The following CAPZB variants were observed in gnomAD, a reference collection of about 807,000 sequenced individuals.
CAPZB encodes capping actin protein of muscle Z-line subunit beta.
Under a neutral mutation model 38.1 loss-of-function variants are expected in CAPZB, and 2 were observed. That is an observed-to-expected ratio of 0.05 (90% CI 0.02 to 0.17). The LOEUF (loss-of-function observed/expected upper bound fraction) is 0.17, where lower values mean the gene tolerates loss of function less well. CAPZB is among the 10% of genes least tolerant of loss of function. The pLI, the probability that CAPZB is intolerant of heterozygous loss-of-function variation, is 1.00. For missense variants in CAPZB, 161 were observed against 334.2 expected (o/e 0.48, Z 4.04); for synonymous variants, 107 against 127.4 (o/e 0.84, Z 1.08).
At chr1:19,418,007 G>C (rs2094387065) in intron 2 of CAPZB, among the ~76,000 whole-genome samples, 2 of 151,500 alleles carry the variant, frequency 1.3e-5, no homozygotes, top group Non-Finnish European at 2.9e-5. Flanking sequence ...ACGGTCGTGG[G>C]CGCCTGTAAT....
chr1:19,388,397 G>C (rs2094214811), intron 2 of CAPZB, among the ~76,000 whole-genome samples: 1 of 152,150 alleles, frequency 6.6e-6, no homozygotes, highest in South Asian at 2.1e-4. Flanking sequence ...AAAGAAAGGA[G>C]GGAAAGAGGG....
intron 1 of CAPZB, among the ~76,000 whole-genome samples, chr1:19,446,281 C>T (rs72947522): frequency 2.0e-5 from 3 of 151,892 alleles, no homozygotes; most frequent in African/African-American, 7.3e-5. Flanking sequence ...TCTGTTTCAA[C>T]AGAAACTTGA....
chr1:19,391,730 G>A (rs1251217085), intron 2 of CAPZB, among the ~76,000 whole-genome samples: 3 of 152,158 alleles, frequency 2.0e-5, no homozygotes, highest in Admixed American at 2.0e-4. Context: ...CTCTGGAACT[G>A]GGGGTTACAA....
At chr1:19,433,275 C>T (rs566992963) in intron 1 of CAPZB, among the ~76,000 whole-genome samples, 3 of 152,280 alleles carry the variant, frequency 2.0e-5, no homozygotes, top group Admixed American at 6.5e-5. Flanking sequence ...CTCAATGGCA[C>T]GAGAAATTCA....
intron 2 of CAPZB, among the ~76,000 whole-genome samples, chr1:19,391,031 A>T (rs2094231242): frequency 6.6e-6 from 1 of 151,946 alleles, no homozygotes. Context: ...TATACAGCAC[A>T]GCTAGGTTCA....
rs138483963 is a variant in CAPZB at position 19,382,213 on chromosome 1, C to T, written c.215+3292G>A. 2.7e-3 allele frequency among the ~76,000 whole-genome samples: 410 copies of T among 152,256 alleles called. 1 individual carries two copies. Among genetic ancestry groups the T allele is most frequent in the African/African-American group, 9.1e-3 (379 of 41,530 alleles). On this transcript the variant is annotated intron_variant, in intron 3 of 8. Transcript: ENST00000264202. ...ACTCACATTTCTACTGGCTCACAGA[C>T]GATAGCATTTCAAGCTGTTAGTCCT...
rs576901713 is a variant in CAPZB at position 19,434,129 on chromosome 1, A to G, written c.4-14379T>C. On this transcript the variant is annotated intron_variant, in intron 1 of 8. Transcript: ENST00000264202. ...CACTGGGTAGGGAGATGCCTGAAACATGACATCCTTTGGGCTTCGATTTTC... is the reference window on the plus strand; with the variant it reads ...CACTGGGTAGGGAGATGCCTGAAACGTGACATCCTTTGGGCTTCGATTTTC... Among the ~76,000 whole-genome samples the G allele has an allele frequency of 2.6e-5, 4 of 152,342 alleles. No individual in the cohort carries two copies. The East Asian group carries it at 7.7e-4, about 29-fold the overall frequency.
At chr1:19,403,565 G>A (rs1279882041) in intron 2 of CAPZB, among the ~76,000 whole-genome samples, 1 of 152,232 alleles carries the variant, frequency 6.6e-6, no homozygotes, top group Non-Finnish European at 1.5e-5. Flanking sequence ...TGTTCTCCGG[G>A]CTTGATCCCG....
chr1:19,446,896 CAT>C (rs764631651), intron 1 of CAPZB, among the ~76,000 whole-genome samples: 2 of 152,176 alleles, frequency 1.3e-5, no homozygotes, highest in African/African-American at 2.4e-5. Context: ...TTTTCCATCA[CAT>C]GATTTCAGTC....
intron 7 of CAPZB, 143 bp from the exon 8 acceptor site, chr1:19,344,577 T>G: frequency 1.5e-6 from 1 of 679,274 alleles, no homozygotes; most frequent in Non-Finnish European, 2.6e-6. Flanking sequence ...GTGAGCGCGC[T>G]CCAGGCTGCC....
intron 1 of CAPZB, among the ~76,000 whole-genome samples, chr1:19,465,116 TGG>T (rs372367777): frequency 6.6e-6 from 1 of 152,288 alleles, no homozygotes; most frequent in African/African-American, 2.4e-5. Flanking sequence ...TGGAAGACAC[TGG>T]GCATGTGAGA....
At chr1:19,393,036 CTACT>C (rs1356282962) in intron 2 of CAPZB, among the ~76,000 whole-genome samples, 2 of 152,206 alleles carry the variant, frequency 1.3e-5, no homozygotes, top group African/African-American at 4.8e-5. Context: ...CCCACCACCA[CTACT>C]TAGTGTAGAG....
At chr1:19,446,617 C>T (rs528833830) in intron 1 of CAPZB, among the ~76,000 whole-genome samples, 18 of 110,688 alleles carry the variant, frequency 1.6e-4, no homozygotes, top group African/African-American at 5.2e-4. Context: ...CTACCCACTG[C>T]TCCACGGCAA....
intron 2 of CAPZB, among the ~76,000 whole-genome samples, chr1:19,418,059 C>T (rs943832452): frequency 1.3e-4 from 18 of 135,844 alleles, no homozygotes; most frequent in African/African-American, 4.3e-4. Context: ...TTGCTTGAAC[C>T]GGGGAGGCGG....
intron 1 of CAPZB, among the ~76,000 whole-genome samples, chr1:19,420,379 A>T (rs2094396609): frequency 6.6e-6 from 1 of 152,220 alleles, no homozygotes; most frequent in Non-Finnish European, 1.5e-5. Context: ...GACTGGAAAG[A>T]CAACCATTAC....
intron 4 of CAPZB, among the ~76,000 whole-genome samples, chr1:19,370,252 CACAGT>C (rs1314927474): frequency 6.6e-6 from 1 of 152,250 alleles, no homozygotes; most frequent in African/African-American, 2.4e-5. Flanking sequence ...CCTCTCCCAT[CACAGT>C]ACAGGGCTGT....
chr1:19,423,093 C>A (rs1451770995), intron 1 of CAPZB, among the ~76,000 whole-genome samples: 1 of 152,152 alleles, frequency 6.6e-6, no homozygotes, highest in Non-Finnish European at 1.5e-5. Flanking sequence ...TAGTTGACAG[C>A]ACTAGAATAC....
At chr1:19,469,000 G>A (rs981380363) in intron 1 of CAPZB, among the ~76,000 whole-genome samples, 3 of 152,236 alleles carry the variant, frequency 2.0e-5, no homozygotes, top group Non-Finnish European at 2.9e-5. Context: ...CTGTCTGACT[G>A]GCTCCCACCA....
intron 3 of CAPZB, among the ~76,000 whole-genome samples, chr1:19,380,201 C>T (rs1298869761): frequency 5.3e-5 from 8 of 152,152 alleles, no homozygotes; most frequent in East Asian, 1.9e-4. Context: ...GGTTCACAAA[C>T]GGTATGTAGG....
Sources: allele counts gnomAD v4.1 joint callset (sites outside exome capture counted in the v4.1 genomes callset), GRCh38; gene constraint gnomAD v4.1.1; transcripts MANE v1.5; gene names NCBI Gene and HGNC (gene_info 2026-07-23, HGNC 2026-07-21).